WNT2: variants seen among roughly 807,000 people sequenced by gnomAD.
The protein encoded by WNT2 is protein Wnt-2.
A neutral mutation model predicts 36.9 loss-of-function variants in WNT2; 12 were observed. The ratio of observed to expected loss-of-function variants is 0.33; its 90% CI spans 0.21 to 0.53. WNT2 has a LOEUF of 0.53. Among genes scored for constraint, WNT2 ranks in the 20% least tolerant of loss-of-function variants. The probability of loss-of-function intolerance (pLI) is 0.95; values close to 1 mark genes in which losing one functional copy is unlikely to be tolerated. For missense variants in WNT2, 379 were observed against 473.1 expected (o/e 0.80, Z 1.84); for synonymous variants, 163 against 174.6 (o/e 0.93, Z 0.52).
At chr7:117,316,577 C>T (rs906284960) in intron 2 of WNT2, among the ~76,000 whole-genome samples, 4 of 152,304 alleles carry the variant, frequency 2.6e-5, no homozygotes, top group Non-Finnish European at 5.9e-5. Flanking sequence ...TGCTTGTTTC[C>T]GTTTGTCATT....
At chr7:117,314,208 C>T (rs1240022903) in intron 3 of WNT2, among the ~76,000 whole-genome samples, 1 of 152,192 alleles carries the variant, frequency 6.6e-6, no homozygotes, top group East Asian at 1.9e-4. Context: ...TTAATGCTTT[C>T]CACACAAAAG....
In WNT2 at chr7:117,297,758, C is replaced by A. The variant is rs764004575; in HGVS notation, c.707G>T (p.Arg236Met). 5 of 1,614,072 alleles carry A rather than the reference C, an allele frequency of 3.1e-6. No homozygotes were observed. In the South Asian group the frequency reaches 5.5e-5, roughly 18 times the overall value. ...DFRKTGDYLWRKYNGAIQVVM... is the reference protein window; with the variant it reads ...DFRKTGDYLWMKYNGAIQVVM... ...CACCTGGATGGCCCCATTGTACTTC[C>A]TCCAGAGATAATCGCCCGTTTTCCT... Residue 236 changes from arginine (R) to methionine (M), a missense_variant, in exon 4 of 5, where the codon AGG (arginine) becomes ATG (methionine). Coordinates refer to ENST00000265441, the MANE Select transcript of WNT2 (RefSeq NM_003391.3).
At position 117,315,216 on chromosome 7, in the gene WNT2, C is replaced by A; in HGVS notation, c.443G>T (p.Ser148Ile). 6.2e-7 allele frequency: 1 copy of A among 1,614,178 alleles called. No homozygotes were observed. Among genetic ancestry groups the A allele is most frequent in the Non-Finnish European group, 8.5e-7 (1 of 1,180,030 alleles). The change falls in exon 3 of 5, where the codon AGC (serine) becomes ATC (isoleucine). Residue 148 changes from serine (S) to isoleucine (I), a missense_variant. By Grantham distance (142) the Ser-to-Ile change is moderately radical. Coordinates refer to ENST00000265441, the MANE Select transcript of WNT2 (RefSeq NM_003391.3). ...DPKKMGSAKD[S>I]KGIFDWGGCS... ...GCCACCCCAATCAAAAATGCCTTTG[C>A]TGTCCTTGGCGCTTCCCATCTTCTT...
intron 3 of WNT2, among the ~76,000 whole-genome samples, chr7:117,312,617 T>C (rs17139657): frequency 0.014 from 2,090 of 152,338 alleles, 45 homozygotes; most frequent in African/African-American, 0.048. Flanking sequence ...CAGGCTTATC[T>C]TTTTAGTACT....
chr7:117,279,070 A>G (rs1336805289), intron 4 of WNT2, among the ~76,000 whole-genome samples: 2 of 152,250 alleles, frequency 1.3e-5, no homozygotes, highest in African/African-American at 2.4e-5. Context: ...AAGGCCTTCA[A>G]TAAACAAAAT....
At chr7:117,321,012 T>TG (rs1317792830) in intron 1 of WNT2, among the ~76,000 whole-genome samples, 1 of 152,182 alleles carries the variant, frequency 6.6e-6, no homozygotes, top group East Asian at 1.9e-4. Flanking sequence ...ATCCCCAAAA[T>TG]GCTGTGATGA....
At chr7:117,319,268 C>T (rs572835138) in intron 2 of WNT2, among the ~76,000 whole-genome samples, 22 of 152,088 alleles carry the variant, frequency 1.4e-4, no homozygotes, top group Admixed American at 5.9e-4. Flanking sequence ...CAAAAATTTG[C>T]GATGTCATAT....
At chr7:117,308,166 A>C (rs1252498408) in intron 3 of WNT2, among the ~76,000 whole-genome samples, 1 of 152,214 alleles carries the variant, frequency 6.6e-6, no homozygotes, top group African/African-American at 2.4e-5. Context: ...TTAAACATAC[A>C]CACTCTGGAA....
chr7:117,322,886 C>T lies in WNT2; in HGVS notation c.83+21G>A. The T allele has an allele frequency of 1.2e-6, 2 of 1,610,020 alleles. No homozygotes were observed. The highest frequency in any genetic ancestry group is 1.7e-6 in the Non-Finnish European group (2 of 1,177,690). On this transcript the variant is annotated intron_variant, in intron 1 of 4. Coordinates refer to ENST00000265441, the MANE Select transcript of WNT2 (RefSeq NM_003391.3). This position sits in a 1 kb window ranked among gnomAD's most constrained non-coding sequence, Gnocchi z 5.4. ...CCATTCCGATCTCCAAAATCCCCCG[C>T]GCCCGTGCGCGTGGACTTACCACCA... is the stretch of plus-strand genomic sequence containing the variant.
intron 3 of WNT2, among the ~76,000 whole-genome samples, chr7:117,302,144 C>G (rs935917157): frequency 2.0e-5 from 3 of 151,968 alleles, no homozygotes; most frequent in African/African-American, 7.3e-5. Flanking sequence ...TATTACATAC[C>G]TGTTATAATG....
intron 4 of WNT2, among the ~76,000 whole-genome samples, chr7:117,289,337 C>T (rs544398376): frequency 1.1e-4 from 16 of 152,258 alleles, no homozygotes; most frequent in African/African-American, 3.1e-4. Flanking sequence ...GTATTACAGG[C>T]GTGAGCCACT....
At chr7:117,280,483 T>C (rs2116322310) in intron 4 of WNT2, among the ~76,000 whole-genome samples, 1 of 152,050 alleles carries the variant, frequency 6.6e-6, no homozygotes, top group African/African-American at 2.4e-5. Flanking sequence ...TGGCGCAGAG[T>C]TAAATATGTA....
Position 117,293,674 on chromosome 7 carries a change from T to G in WNT2, c.853+3938A>C, listed in dbSNP as rs140905434. 3.7e-3 allele frequency among the ~76,000 whole-genome samples: 563 copies of G among 152,272 alleles called. 4 individuals carry two copies. Among genetic ancestry groups the G allele is most frequent in the African/African-American group, 0.012 (519 of 41,560 alleles). ...CTGGCTATCCCAGGATGATAGCCCATTTTGAACACGTGAGAGTTCCGTTCA... is the reference window on the plus strand; with the variant it reads ...CTGGCTATCCCAGGATGATAGCCCAGTTTGAACACGTGAGAGTTCCGTTCA... On this transcript the variant is annotated intron_variant, in intron 4 of 4. Transcript: ENST00000265441.
rs1795354512 is a variant in WNT2, at chr7:117,322,824, A to G, written c.83+83T>C. 1 of 1,413,074 alleles carries G rather than the reference A, an allele frequency of 7.1e-7. No individual in the cohort carries two copies. Among genetic ancestry groups the G allele is most frequent in the African/African-American group, 1.4e-5 (1 of 70,866 alleles). The allele number at this position is 1,413,074 out of a possible 1,614,324, so 87.5% of individuals were successfully genotyped here. On this transcript the variant is annotated intron_variant, in intron 1 of 4. Coordinates refer to ENST00000265441, the MANE Select transcript of WNT2 (RefSeq NM_003391.3). This position sits in a 1 kb window ranked among gnomAD's most constrained non-coding sequence, Gnocchi z 5.4. ...CCGAGACTGCTGCGGCCGCGGGGGA[A>G]CGCAGCCAGGAAGGGTCTATGTGGC... is the stretch of plus-strand genomic sequence containing the variant.
At chr7:117,285,729 C>T (rs950061614) in intron 4 of WNT2, among the ~76,000 whole-genome samples, 1 of 152,162 alleles carries the variant, frequency 6.6e-6, no homozygotes, top group Non-Finnish European at 1.5e-5. Context: ...CATGTTTGTT[C>T]TACAAAATCA....
At chr7:117,290,530 G>T (rs1794669951) in intron 4 of WNT2, among the ~76,000 whole-genome samples, 1 of 152,102 alleles carries the variant, frequency 6.6e-6, no homozygotes. Flanking sequence ...TTCTCTTCTG[G>T]TCTAGCTATC....
At chr7:117,309,430 C>T in intron 3 of WNT2, among the ~76,000 whole-genome samples, 1 of 152,034 alleles carries the variant, frequency 6.6e-6, no homozygotes, top group East Asian at 1.9e-4. Flanking sequence ...ATTTTGGACC[C>T]CCTCACCCTC....
At chr7:117,300,757 T>A (rs1049635145) in intron 3 of WNT2, 1 of 152,294 alleles carries the variant, frequency 6.6e-6, no homozygotes, top group Non-Finnish European at 1.5e-5. Flanking sequence ...TATGATTGCA[T>A]CACTGTACTC....
chr7:117,278,088 T>C lies in WNT2; in HGVS notation c.*67A>G. 6.5e-7 allele frequency: 1 copy of C among 1,534,374 alleles called. No homozygotes were observed. The highest frequency in any genetic ancestry group is 9.0e-7 in the Non-Finnish European group (1 of 1,113,392). On this transcript the variant is annotated 3_prime_UTR_variant, in exon 5 of 5. Transcript: ENST00000265441. The stretch of plus-strand genomic sequence containing the variant: ...TATCCCCCCAGAAAGAACCCAAAGG[T>C]CCAGTGTTCTTGCAGATCCAATGGA...
Sources: allele counts gnomAD v4.1 joint callset (sites outside exome capture counted in the v4.1 genomes callset), GRCh38; gene constraint gnomAD v4.1.1; non-coding constraint Gnocchi (gnomAD v3.1); transcripts MANE v1.5; gene names NCBI Gene and HGNC (gene_info 2026-07-23, HGNC 2026-07-21).